USP35: variants seen among roughly 807,000 people sequenced by gnomAD.
USP35 encodes the protein ubiquitin carboxyl-terminal hydrolase 35.
In USP35, 69 loss-of-function variants were observed where a neutral mutation model predicts 83.8. The observed-to-expected ratio is 0.82, with a 90% CI of 0.68 to 1.01. USP35 has a LOEUF of 1.01. Ranked by LOEUF, USP35 falls within the 50% of genes least tolerant of loss-of-function variation. The pLI is 0.00. For synonymous variants in USP35, 714 were observed against 589.5 expected, an observed-to-expected ratio of 1.21 and a Z score of -3.06; for missense variants, 1,503 against 1,362.5, an observed-to-expected ratio of 1.10 and a Z score of -1.62.
the USP35 span, among the ~76,000 whole-genome samples, chr11:78,228,196 C>A: frequency 1.3e-5 from 2 of 152,122 alleles, no homozygotes; most frequent in Non-Finnish European, 2.9e-5. Context: ...CTTCGTTTCA[C>A]AAGAGTGGTT....
rs201712493 is a variant in USP35, at chr11:78,210,681, A to T, written c.2826A>T (p.Thr942=). Residue 942 remains threonine, a synonymous_variant, in exon 10 of 11, where the codon ACA becomes ACT. Transcript: ENST00000529308. ...EAELGSSRVR[T]EPTLHKDLME... is the part of the protein sequence containing the mutation. ...AGTTGGGCTCTTCTAGAGTCCGGAC[A>T]GAGCCCACCCTGCACAAGGACTTGA... is the stretch of plus-strand genomic sequence containing the variant. 6.2e-7 allele frequency: 1 copy of T among 1,608,214 alleles called. No individual in the cohort carries two copies. Among genetic ancestry groups the T allele is most frequent in the Non-Finnish European group, 8.5e-7 (1 of 1,176,544 alleles).
the USP35 span, chr11:78,231,823 A>G: frequency 6.6e-6 from 1 of 152,224 alleles, no homozygotes; most frequent in Admixed American, 6.5e-5. Context: ...ATTTTCAATG[A>G]GTATGTTCCC....
downstream of USP35, chr11:78,215,615 AAAT>A (rs746959802): frequency 6.6e-6 from 1 of 152,284 alleles, no homozygotes; most frequent in Non-Finnish European, 1.5e-5. Flanking sequence ...ATTCTGCGTG[AAAT>A]AATTCTAGAT....
rs1311670579 is a variant in USP35 at position 78,205,917 on chromosome 11, C to G, written c.1273C>G (p.Leu425Val). Reference sequence around the variant, plus strand: ...TGCCTGGACTTCGCAGAAGAGCGAGCTGGCGGGTTTCTATCCCCGGCTCAT... The same window carrying G: ...TGCCTGGACTTCGCAGAAGAGCGAGGTGGCGGGTTTCTATCCCCGGCTCAT... ...QDAWTSQKSE[L>V]AGFYPRLMAK... Residue 425 changes from leucine to valine, a missense_variant, in exon 7 of 11, where the codon CTG (leucine) becomes GTG (valine). Transcript: ENST00000529308. The G allele has an allele frequency of 6.2e-7, 1 of 1,614,272 alleles. No homozygotes were observed. The highest frequency in any genetic ancestry group is 1.1e-5 in the South Asian group (1 of 91,090).
At chr11:78,225,089 TGG>T in the USP35 span, 2 of 1,559,974 alleles carry the variant, frequency 1.3e-6, no homozygotes, top group Non-Finnish European at 1.8e-6. Context: ...TGAGGACCCT[TGG>T]GTTAACCCAC....
At chr11:78,234,526 A>G in the USP35 span, among the ~76,000 whole-genome samples, 1 of 150,694 alleles carries the variant, frequency 6.6e-6, no homozygotes, top group African/African-American at 2.4e-5. Flanking sequence ...TTTGCAGAAC[A>G]GGTTTTTCCT....
At chr11:78,226,620 G>GGGGGGGGGGGGGGCCC in the USP35 span, 2 of 1,500,530 alleles carry the variant, frequency 1.3e-6, no homozygotes, top group Non-Finnish European at 1.9e-6. Context: ...GCGGGGTGGG[G>GGGGGGGGGGGGGGCCC]GAGCTATGGC....
At chr11:78,206,123 G>T in intron 7 of USP35, 88 bp downstream of exon 7, 57 of 1,392,532 alleles carry the variant, frequency 4.1e-5, no homozygotes, top group Admixed American at 5.7e-5. Context: ...CGGGGTGGGG[G>T]TTGGAGAGGG....
chr11:78,231,005 C>A, the USP35 span, among the ~76,000 whole-genome samples: 1 of 152,224 alleles, frequency 6.6e-6, no homozygotes, highest in African/African-American at 2.4e-5. Flanking sequence ...GCTGGGCTTA[C>A]AGAAGCCTTA....
rs777673245 is a variant in USP35 at position 78,205,935 on chromosome 11, C to T, written c.1291C>T (p.Arg431Trp). The T allele has an allele frequency of 2.9e-5, 47 of 1,614,154 alleles. No homozygotes were observed. Among genetic ancestry groups the T allele is most frequent in the Middle Eastern group, 3.3e-4 (2 of 6,084 alleles). Residue 431 changes from arginine to tryptophan, a missense_variant, in exon 7 of 11, where the codon CGG becomes TGG. By Grantham distance (101) the Arg-to-Trp change is moderately radical. Coordinates refer to ENST00000529308, the MANE Select transcript of USP35 (RefSeq NM_020798.4). ...GAGCGAGCTGGCGGGTTTCTATCCC[C>T]GGCTCATGGCCAAGTCAGACACGGG... ...QKSELAGFYP[R>W]LMAKSDTGKI...
intron 1 of USP35, among the ~76,000 whole-genome samples, chr11:78,192,006 G>A (rs1260240323): frequency 6.6e-6 from 1 of 151,996 alleles, no homozygotes; most frequent in Admixed American, 6.6e-5. Flanking sequence ...ACCACGCCCG[G>A]CTAATTTTTT....
At chr11:78,201,339 C>G (rs1352892281) in intron 6 of USP35, among the ~76,000 whole-genome samples, 1 of 152,222 alleles carries the variant, frequency 6.6e-6, no homozygotes, top group Non-Finnish European at 1.5e-5. Flanking sequence ...GTTCACATGA[C>G]TTTACTGACG....
chr11:78,196,568 T>C lies in USP35; in HGVS notation c.323T>C (p.Leu108Pro). ...GCGCTCGCCTGCGTGCAGCTGGGTC[T>C]GCAGCTGCTGCCCGAGGGGCCTGCG... ...PRALACVQLG[L>P]QLLPEGPAAD... The change falls in exon 2 of 11, where the codon CTG becomes CCG. Residue 108 changes from leucine (L) to proline (P), a missense_variant. Coordinates refer to ENST00000529308, the MANE Select transcript of USP35 (RefSeq NM_020798.4). This position sits in a 1 kb window ranked among gnomAD's most constrained non-coding sequence, Gnocchi z 4.8. 1 of 1,243,036 alleles carries C rather than the reference T, an allele frequency of 8.0e-7. No individual in the cohort carries two copies. The highest frequency in any genetic ancestry group is 1.0e-6 in the Non-Finnish European group (1 of 990,682). 77.0% of individuals were successfully genotyped at this position (1,243,036 alleles called of 1,614,324 possible).
chr11:78,206,917 G>A (rs1863545399), intron 7 of USP35, among the ~76,000 whole-genome samples: 1 of 151,898 alleles, frequency 6.6e-6, no homozygotes, highest in Non-Finnish European at 1.5e-5. Flanking sequence ...TTCCCACTAG[G>A]AGCCAGTCTA....
At chr11:78,201,748 A>G (rs2137038661) in intron 6 of USP35, among the ~76,000 whole-genome samples, 1 of 152,308 alleles carries the variant, frequency 6.6e-6, no homozygotes, top group Non-Finnish European at 1.5e-5. Flanking sequence ...TCAATCTCAT[A>G]GATGAGGAAA....
At chr11:78,223,319 C>T in the USP35 span, 48 of 1,061,264 alleles carry the variant, frequency 4.5e-5, no homozygotes, top group Non-Finnish European at 5.9e-5. Flanking sequence ...CCAAGTCACA[C>T]CTCTCAAGTC....
Position 78,214,770 on chromosome 11 carries a change from TGGGGAGGC to T in USP35, c.*958_*965del, listed in dbSNP as rs1864030217. The T allele has an allele frequency of 6.6e-6, 1 of 150,902 alleles. No individual in the cohort carries two copies. The highest frequency in any genetic ancestry group is 1.5e-5 in the Non-Finnish European group (1 of 68,070). The allele number at this position is 150,902 out of a possible 1,614,324, so 9.3% of individuals were successfully genotyped here. A position where few individuals can be genotyped will look rare whatever the true frequency, so the allele number is the denominator to read the frequency against. ...GCCACTGGGTTTTGCTCACGGGGTC[TGGGGAGGC>T]CAGGACTCAGCCTGCCCCCCAGTGA... is the stretch of plus-strand genomic sequence containing the variant. On this transcript the variant is annotated 3_prime_UTR_variant, in exon 11 of 11. Coordinates refer to ENST00000529308, the MANE Select transcript of USP35 (RefSeq NM_020798.4).
At chr11:78,217,274 C>G (rs1366812640), downstream of USP35, 1 of 152,236 alleles carries the variant, frequency 6.6e-6, no homozygotes, top group East Asian at 1.9e-4. Flanking sequence ...ATCTTAAGTT[C>G]AGGGAGAAGG....
intron 1 of USP35, among the ~76,000 whole-genome samples, chr11:78,190,040 G>A (rs1862954046): frequency 1.3e-5 from 2 of 152,142 alleles, no homozygotes; most frequent in Admixed American, 1.3e-4. Flanking sequence ...GCTCCCAGGG[G>A]AGTCAAAGGA....
Sources: gnomAD v4.1 joint callset for allele counts (sites outside exome capture counted in the v4.1 genomes callset) on GRCh38, gnomAD v4.1.1 for gene constraint, Gnocchi (gnomAD v3.1) non-coding constraint, MANE v1.5 for transcripts, NCBI Gene and HGNC (gene_info 2026-07-23, HGNC 2026-07-21) for gene names.